Variants in TESK2 observed in about 807,000 individuals in gnomAD.
TESK2 encodes the protein testis associated actin remodelling kinase 2.
In TESK2, 39 loss-of-function variants were observed where a neutral mutation model predicts 57.1. That is an observed-to-expected ratio of 0.68 (90% CI 0.53 to 0.89). TESK2 has a LOEUF of 0.89. Ranked by LOEUF, TESK2 falls within the 40% of genes least tolerant of loss-of-function variation. TESK2 has a pLI of 0.00. For synonymous variants in TESK2, 249 were observed against 267.9 expected, an observed-to-expected ratio of 0.93 and a Z score of 0.69; for missense variants, 646 against 732.1, an observed-to-expected ratio of 0.88 and a Z score of 1.36.
chr1:45,421,525 G>A (rs1430300368), intron 3 of TESK2, among the ~76,000 whole-genome samples, 200 bp downstream of exon 3: 1 of 152,154 alleles, frequency 6.6e-6, no homozygotes, highest in Non-Finnish European at 1.5e-5. Context: ...GATAAAGGAA[G>A]TTGCTTTATT....
At chr1:45,487,814 T>G (rs1321539433) in intron 1 of TESK2, among the ~76,000 whole-genome samples, 1 of 152,228 alleles carries the variant, frequency 6.6e-6, no homozygotes, top group Non-Finnish European at 1.5e-5. Context: ...TGTCCTACTA[T>G]TCTTAGGCTG....
chr1:45,428,501 T>A (rs1278010963), intron 2 of TESK2, among the ~76,000 whole-genome samples: 1 of 151,932 alleles, frequency 6.6e-6, no homozygotes, highest in Non-Finnish European at 1.5e-5. Flanking sequence ...AAATCTATGA[T>A]CTTTATTTTT....
In TESK2 at chr1:45,343,913, T is replaced by A; in HGVS notation, c.*927A>T. The A allele has an allele frequency of 2.2e-6, 1 of 458,130 alleles. No homozygotes were observed. 28.4% of individuals were successfully genotyped at this position (458,130 alleles called of 1,614,324 possible). On this transcript the variant is annotated 3_prime_UTR_variant, in exon 11 of 11. Coordinates refer to ENST00000372086, the MANE Select transcript of TESK2 (RefSeq NM_007170.3). This position sits in a 1 kb window ranked among gnomAD's most constrained non-coding sequence, Gnocchi z 4.3. ...GTAACACTGACTTTATTTTTAAGTCTGAAAATGTCTTGGGAAAGTTTTACA... is the reference window on the plus strand; with the variant it reads ...GTAACACTGACTTTATTTTTAAGTCAGAAAATGTCTTGGGAAAGTTTTACA...
intron 2 of TESK2, among the ~76,000 whole-genome samples, chr1:45,424,333 G>A (rs1196431263): frequency 2.6e-5 from 4 of 152,086 alleles, no homozygotes; most frequent in Non-Finnish European, 4.4e-5. Context: ...GGGGGAGGCC[G>A]GGCCAAAACA....
intron 3 of TESK2, among the ~76,000 whole-genome samples, chr1:45,393,293 A>T (rs1353247862): frequency 6.6e-6 from 1 of 151,980 alleles, no homozygotes; most frequent in East Asian, 1.9e-4. Context: ...CCCACCCTCT[A>T]CTCAAATAAC....
At chr1:45,354,262 G>A (rs1027838850) in intron 5 of TESK2, among the ~76,000 whole-genome samples, 16 of 151,914 alleles carry the variant, frequency 1.1e-4, no homozygotes, top group African/African-American at 3.6e-4. Context: ...AGGCTGAGGT[G>A]GGTGACTGCT....
chr1:45,393,613 C>T (rs1262634485), intron 3 of TESK2, among the ~76,000 whole-genome samples: 5 of 151,794 alleles, frequency 3.3e-5, no homozygotes, highest in African/African-American at 7.3e-5. Flanking sequence ...TGGTGGTGGG[C>T]GTCTGTAGTC....
intron 3 of TESK2, among the ~76,000 whole-genome samples, chr1:45,416,072 C>CTT (rs34785518): frequency 0.12 from 7,403 of 59,288 alleles, 3,109 homozygotes; most frequent in Non-Finnish European, 0.15. Context: ...AATCTAGAGC[C>CTT]TTTTTTTTTT....
At chr1:45,433,663 A>C (rs1251445770) in intron 2 of TESK2, among the ~76,000 whole-genome samples, 1 of 151,740 alleles carries the variant, frequency 6.6e-6, no homozygotes, top group East Asian at 1.9e-4. Context: ...TATATACCAC[A>C]TTTTCTTTTT....
In TESK2 at chr1:45,346,593, T is replaced by A. The variant is rs1570632152; in HGVS notation, c.879+100A>T. 3.2e-6 allele frequency: 3 copies of A among 943,026 alleles called. No individual in the cohort carries two copies. The African/African-American group carries it at 4.9e-5, about 15-fold the overall frequency. The allele number at this position is 943,026 out of a possible 1,614,324, so 58.4% of individuals were successfully genotyped here. On this transcript the variant is annotated intron_variant, in intron 9 of 10. Coordinates refer to ENST00000372086, the MANE Select transcript of TESK2 (RefSeq NM_007170.3). ...TGCTGTCACTACAGTGAAAATGAGGTCCCTCATGAAGCTAATTAGCAGCCT... is the reference window on the plus strand; with the variant it reads ...TGCTGTCACTACAGTGAAAATGAGGACCCTCATGAAGCTAATTAGCAGCCT...
At chr1:45,373,223 T>C (rs906947234) in intron 4 of TESK2, among the ~76,000 whole-genome samples, 4 of 152,182 alleles carry the variant, frequency 2.6e-5, no homozygotes, top group East Asian at 1.9e-4. Context: ...GGAACAAGAC[T>C]GACAAAGAGA....
In TESK2 at chr1:45,355,427, T is replaced by C. The variant is rs768380343; in HGVS notation, c.416A>G (p.Glu139Gly). Residue 139 changes from glutamate (E) to glycine (G), a missense_variant, in exon 5 of 11, where the codon GAA (glutamate) becomes GGA (glycine). Glu to Gly is a moderately conservative substitution (Grantham distance 98). Transcript: ENST00000372086. ...ATGCAGGTTACTGTCTAGCAACTGT[T>C]CCAGGTTCCCGGAGTTGATATACTG... ...LTEYINSGNL[E>G]QLLDSNLHLP... The C allele has an allele frequency of 9.3e-6, 15 of 1,610,654 alleles. No homozygotes were observed. The highest frequency in any genetic ancestry group is 1.3e-5 in the Non-Finnish European group (15 of 1,179,022).
chr1:45,358,957 C>T (rs1647562382), intron 4 of TESK2, among the ~76,000 whole-genome samples: 1 of 152,180 alleles, frequency 6.6e-6, no homozygotes, highest in Admixed American at 6.5e-5. Context: ...AATGAATTTA[C>T]TCAAACCTTA....
intron 3 of TESK2, among the ~76,000 whole-genome samples, chr1:45,411,787 G>C (rs1650048570): frequency 6.6e-6 from 1 of 152,178 alleles, no homozygotes; most frequent in African/African-American, 2.4e-5. Flanking sequence ...CTGGCCTTGA[G>C]TCAATTAAAC....
chr1:45,394,323 CTT>C (rs35459050), intron 3 of TESK2, among the ~76,000 whole-genome samples: 43 of 115,120 alleles, frequency 3.7e-4, no homozygotes, highest in African/African-American at 1.3e-3. Flanking sequence ...CCACAGCTGG[CTT>C]TTTTTTTTTT....
intron 3 of TESK2, among the ~76,000 whole-genome samples, chr1:45,400,551 A>G (rs1360816376): frequency 6.6e-6 from 1 of 152,236 alleles, no homozygotes. Context: ...GATCTAAAAC[A>G]AATTTTAGAC....
At chr1:45,382,599 G>A (rs1167959168) in intron 4 of TESK2, among the ~76,000 whole-genome samples, 1 of 152,116 alleles carries the variant, frequency 6.6e-6, no homozygotes, top group Non-Finnish European at 1.5e-5. Context: ...GGCCGGGCGC[G>A]GTGGCTCACA....
chr1:45,439,412 C>A (rs961361192), intron 2 of TESK2, among the ~76,000 whole-genome samples: 1 of 152,128 alleles, frequency 6.6e-6, no homozygotes. Flanking sequence ...AAAATATATA[C>A]ATGTTCTTAA....
At chr1:45,398,313 G>A (rs914639065) in intron 3 of TESK2, among the ~76,000 whole-genome samples, 14 of 151,890 alleles carry the variant, frequency 9.2e-5, no homozygotes, top group African/African-American at 2.9e-4. Flanking sequence ...TTCTCGAGGC[G>A]GGAGAATCAC....
Sources: allele counts gnomAD v4.1 joint callset (sites outside exome capture counted in the v4.1 genomes callset), GRCh38; gene constraint gnomAD v4.1.1; non-coding constraint Gnocchi (gnomAD v3.1); transcripts MANE v1.5; gene names NCBI Gene and HGNC (gene_info 2026-07-23, HGNC 2026-07-21).